KLHL2: variants seen among roughly 807,000 people sequenced by gnomAD.
KLHL2 encodes the protein kelch like family member 2.
KLHL2 carries 15 observed loss-of-function variants against 75.8 expected under a neutral mutation model. The observed-to-expected ratio is 0.20, with a 90% CI of 0.13 to 0.30. The LOEUF (loss-of-function observed/expected upper bound fraction) is 0.30. Among genes scored for constraint, KLHL2 ranks in the 10% least tolerant of loss-of-function variants. The pLI is 1.00. For synonymous variants in KLHL2, 214 were observed against 251.9 expected, an observed-to-expected ratio of 0.85 and a Z score of 1.42; for missense variants, 381 against 741.0, an observed-to-expected ratio of 0.51 and a Z score of 5.64.
chr4:165,280,124 C>T (rs1743551871), intron 5 of KLHL2, among the ~76,000 whole-genome samples: 1 of 152,178 alleles, frequency 6.6e-6, no homozygotes, highest in South Asian at 2.1e-4. Context: ...GGCCCTTGTT[C>T]TTCCAGCCAA....
At position 165,283,299 on chromosome 4, in the gene KLHL2, C is replaced by CA. The variant is rs535712422; in HGVS notation, c.545-11059dup. On this transcript the variant is annotated intron_variant, in intron 5 of 14. Coordinates refer to ENST00000226725, the MANE Select transcript of KLHL2 (RefSeq NM_007246.4). Reference sequence around the variant, plus strand: ...ATTTCAGCATTAACTCAGAGGTGCACAGTCCAAAGTCTCATCCCAGACAAG... The same window carrying CA: ...ATTTCAGCATTAACTCAGAGGTGCACAAGTCCAAAGTCTCATCCCAGACAAG... Among the ~76,000 whole-genome samples the CA allele has an allele frequency of 6.6e-3, 999 of 152,358 alleles. 6 individuals are homozygous for CA. The highest frequency in any genetic ancestry group is 9.2e-3 in the Non-Finnish European group (625 of 68,038).
chr4:165,294,388 G>A lies in KLHL2; in HGVS notation c.574G>A (p.Glu192Lys). ...EQHFADVVLS[E>K]EFLNLGIEQV... Reference sequence around the variant, plus strand: ...ACATTTTGCAGATGTTGTACTTAGTGAAGAATTTCTCAATCTTGGCATCGA... The same window carrying A: ...ACATTTTGCAGATGTTGTACTTAGTAAAGAATTTCTCAATCTTGGCATCGA... The change falls in exon 6 of 15, where the codon GAA (glutamate) becomes AAA (lysine). Residue 192 changes from glutamate to lysine, a missense_variant. Glu to Lys is a moderately conservative substitution (Grantham distance 56, BLOSUM62 1). Transcript: ENST00000226725. 1 of 1,611,032 alleles carries A rather than the reference G, an allele frequency of 6.2e-7. No homozygotes were observed. The highest frequency in any genetic ancestry group is 8.5e-7 in the Non-Finnish European group (1 of 1,177,516).
intron 2 of KLHL2, among the ~76,000 whole-genome samples, chr4:165,227,014 T>C (rs966627812): frequency 9.8e-5 from 15 of 152,336 alleles, no homozygotes; most frequent in South Asian, 2.1e-4. Context: ...AAAACACTGC[T>C]GACACCACTG....
At position 165,285,452 on chromosome 4, in the gene KLHL2, GC is replaced by G. The variant is rs1054499055; in HGVS notation, c.545-8906del. The stretch of plus-strand genomic sequence containing the variant: ...ATGGAGTTTCGTTCTTGTTCCCTAG[GC>G]TAGAGTGCAGTGGTGCAATCTAGGC... On this transcript the variant is annotated intron_variant, in intron 5 of 14. Transcript: ENST00000226725. Among the ~76,000 whole-genome samples, 166 of 152,202 alleles carry G rather than the reference GC, an allele frequency of 1.1e-3. 1 individual carries two copies. The highest frequency in any genetic ancestry group is 3.8e-3 in the African/African-American group (159 of 41,528).
chr4:165,225,701 A>G (rs1422121462), intron 2 of KLHL2, among the ~76,000 whole-genome samples: 1 of 152,242 alleles, frequency 6.6e-6, no homozygotes, highest in Non-Finnish European at 1.5e-5. Context: ...GTGTACACAC[A>G]CTGATATACA....
intron 4 of KLHL2, among the ~76,000 whole-genome samples, chr4:165,249,596 A>G (rs34838407): frequency 6.6e-6 from 1 of 152,146 alleles, no homozygotes. Context: ...TGGTACTGGG[A>G]AAACTCTGAC....
In KLHL2 at chr4:165,207,997, C is replaced by T. The variant is rs1736944133; in HGVS notation, c.26+95C>T. The T allele has an allele frequency of 1.2e-6, 1 of 868,262 alleles. No homozygotes were observed. The allele number at this position is 868,262 out of a possible 1,614,324, so 53.8% of individuals were successfully genotyped here. A position where few individuals can be genotyped will look rare whatever the true frequency, so the allele number is the denominator to read the frequency against. ...CGGGCGCAGCTCTGGGGACAGCCGC[C>T]GGGGCCGGCGGGAGGTGGGAGATGC... On this transcript the variant is annotated intron_variant, in intron 1 of 14. Coordinates refer to ENST00000226725, the MANE Select transcript of KLHL2 (RefSeq NM_007246.4). This position sits in a 1 kb window ranked among gnomAD's most constrained non-coding sequence, Gnocchi z 4.2.
chr4:165,232,974 T>C (rs945877383), intron 3 of KLHL2, among the ~76,000 whole-genome samples: 20 of 150,010 alleles, frequency 1.3e-4, no homozygotes, highest in Admixed American at 6.6e-5. Context: ...TCATGTACAT[T>C]TACATTCTCT....
At chr4:165,278,541 C>A (rs1743363904) in intron 5 of KLHL2, 1 of 1,610,326 alleles carries the variant, frequency 6.2e-7, no homozygotes, top group South Asian at 1.1e-5. Context: ...CAATAAGGTG[C>A]ATATAACCCC....
intron 5 of KLHL2, among the ~76,000 whole-genome samples, chr4:165,283,198 G>A (rs1743827295): frequency 6.6e-6 from 1 of 152,170 alleles, no homozygotes; most frequent in Non-Finnish European, 1.5e-5. Flanking sequence ...TTCCACCTCT[G>A]GCCCCTCCCA....
chr4:165,301,121 A>G (rs1745319009), intron 8 of KLHL2, among the ~76,000 whole-genome samples: 1 of 152,206 alleles, frequency 6.6e-6, no homozygotes, highest in African/African-American at 2.4e-5. Context: ...CCACTGACAC[A>G]GTCTATTTGT....
chr4:165,263,312 A>G lies in KLHL2; in HGVS notation c.497A>G (p.Asp166Gly), dbSNP rs1187961768. ...VNCLGIRAFA[D>G]MHACTDLLNK... ...TGCTTAGGAATCCGGGCTTTTGCTG[A>G]TATGCATGCATGTACCGACCTTCTG... The change falls in exon 5 of 15, where the codon GAT becomes GGT. Residue 166 changes from aspartate (D) to glycine (G), a missense_variant. Asp to Gly is a moderately conservative substitution (Grantham distance 94). Transcript: ENST00000226725. 1.9e-6 allele frequency: 3 copies of G among 1,614,050 alleles called. No homozygotes were observed. Among genetic ancestry groups the G allele is most frequent in the Non-Finnish European group, 2.5e-6 (3 of 1,179,972 alleles).
At chr4:165,221,674 G>C (rs1738007927) in intron 2 of KLHL2, among the ~76,000 whole-genome samples, 1 of 152,218 alleles carries the variant, frequency 6.6e-6, no homozygotes, top group African/African-American at 2.4e-5. Flanking sequence ...CACACTGGCT[G>C]CTGGGTGGAG....
Position 165,287,817 on chromosome 4 carries a change from A to G in KLHL2, c.545-6542A>G, listed in dbSNP as rs533424876. Reference sequence around the variant, plus strand: ...TTGGCAATTTGTATATCGTCTTTGGAGAAACGTTTATTCCAGTCCTTTGCT... The same window carrying G: ...TTGGCAATTTGTATATCGTCTTTGGGGAAACGTTTATTCCAGTCCTTTGCT... On this transcript the variant is annotated intron_variant, in intron 5 of 14. Coordinates refer to ENST00000226725, the MANE Select transcript of KLHL2 (RefSeq NM_007246.4). Among the ~76,000 whole-genome samples the G allele has an allele frequency of 3.3e-5, 5 of 152,258 alleles. No individual in the cohort carries two copies. In the East Asian group the frequency reaches 9.6e-4, roughly 29 times the overall value.
intron 9 of KLHL2, among the ~76,000 whole-genome samples, chr4:165,309,737 T>C (rs1472968206): frequency 6.6e-6 from 1 of 152,256 alleles, no homozygotes; most frequent in East Asian, 1.9e-4. Flanking sequence ...AAAACCATGC[T>C]TAGCTTATGG....
In KLHL2 at chr4:165,263,458, C is replaced by T. The variant is rs180938662; in HGVS notation, c.544+99C>T. ...GGAAAGTCATGTCATATTTCTGGAT[C>T]TGGGCTTTATAAAAATACATTTAAA... On this transcript the variant is annotated intron_variant, in intron 5 of 14. Transcript: ENST00000226725. 5 of 1,514,038 alleles carry T rather than the reference C, an allele frequency of 3.3e-6. No individual in the cohort carries two copies. The African/African-American group carries it at 5.6e-5, about 17-fold the overall frequency. The allele number at this position is 1,514,038 out of a possible 1,614,324, so 93.8% of individuals were successfully genotyped here.
chr4:165,291,642 G>A (rs953572286), intron 5 of KLHL2, among the ~76,000 whole-genome samples: 3 of 151,934 alleles, frequency 2.0e-5, no homozygotes, highest in Non-Finnish European at 4.4e-5. Flanking sequence ...CTGTGTTTTT[G>A]TGGGGTCTCT....
At chr4:165,236,778 A>G (rs1448329313) in intron 3 of KLHL2, among the ~76,000 whole-genome samples, 1 of 152,194 alleles carries the variant, frequency 6.6e-6, no homozygotes, top group Admixed American at 6.5e-5. Flanking sequence ...AAATATTCAA[A>G]ACAGTATATA....
At chr4:165,268,604 T>C (rs1742434084) in intron 5 of KLHL2, among the ~76,000 whole-genome samples, 1 of 152,244 alleles carries the variant, frequency 6.6e-6, no homozygotes, top group Non-Finnish European at 1.5e-5. Flanking sequence ...TTGTTCAGTT[T>C]CCATGTAGCT....
Sources: gnomAD v4.1 joint callset for allele counts (sites outside exome capture counted in the v4.1 genomes callset) on GRCh38, gnomAD v4.1.1 for gene constraint, Gnocchi (gnomAD v3.1) non-coding constraint, MANE v1.5 for transcripts, NCBI Gene and HGNC (gene_info 2026-07-23, HGNC 2026-07-21) for gene names.